The following CCDC171 variants were observed in gnomAD, a reference collection of about 807,000 sequenced individuals.
CCDC171 encodes the protein coiled-coil domain containing 171.
In CCDC171, 177 loss-of-function variants were observed where a neutral mutation model predicts 168.2. The observed-to-expected ratio is 1.05, with a 90% confidence interval of 0.93 to 1.19. CCDC171 has a LOEUF of 1.19. Ranked by LOEUF, CCDC171 falls within the 50% of genes most tolerant of loss-of-function variation. The probability of loss-of-function intolerance (pLI) is 0.00; values close to 1 mark genes in which losing one functional copy is unlikely to be tolerated. For synonymous variants in CCDC171, 687 were observed against 540.8 expected (o/e 1.27, Z -3.75); for missense variants, 1,991 against 1,539.0 (o/e 1.29, Z -4.91).
At chr9:15,705,481 C>A (rs1396708) in intron 11 of CCDC171, among the ~76,000 whole-genome samples, 54,974 of 152,064 alleles carry the variant, frequency 0.36, 12,397 homozygotes, top group East Asian at 0.67. Context: ...TTGAATATGC[C>A]AAGCATGCTT....
At chr9:16,104,059 CT>C in the CCDC171 span, among the ~76,000 whole-genome samples, 2 of 152,146 alleles carry the variant, frequency 1.3e-5, no homozygotes, top group Admixed American at 1.3e-4. Context: ...CTGGGTACCC[CT>C]TCTGTAGCTT....
chr9:15,620,231 A>G (rs1241430335), intron 6 of CCDC171, among the ~76,000 whole-genome samples: 2 of 152,180 alleles, frequency 1.3e-5, no homozygotes, highest in Non-Finnish European at 2.9e-5. Context: ...TAGCTGACAT[A>G]GATAGTGACT....
rs1451860614 is a variant in CCDC171 at position 15,819,626 on chromosome 9, A to G, written c.3268-27076A>G. On this transcript the variant is annotated intron_variant, in intron 21 of 25. Transcript: ENST00000380701. ...ACATAATGGTAAAGGGATAAATTCA[A>G]CAAGAAGAACTAACTGTCCTAAATA... is the stretch of plus-strand genomic sequence containing the variant. Among the ~76,000 whole-genome samples the G allele has an allele frequency of 1.7e-5, 2 of 118,116 alleles. 1 individual carries two copies. Among genetic ancestry groups the G allele is most frequent in the African/African-American group, 6.4e-5 (2 of 31,382 alleles). 77.5% of individuals were successfully genotyped at this position (118,116 alleles called of 152,430 possible).
intron 24 of CCDC171, among the ~76,000 whole-genome samples, chr9:15,897,270 C>G (rs543092598): frequency 1.1e-4 from 14 of 132,778 alleles, no homozygotes; most frequent in African/African-American, 3.9e-4. Flanking sequence ...TCGAGTATAC[C>G]AGAAGTTGTT....
intron 10 of CCDC171, among the ~76,000 whole-genome samples, chr9:15,680,022 A>G (rs1175824365): frequency 6.6e-6 from 1 of 152,048 alleles, no homozygotes; most frequent in Non-Finnish European, 1.5e-5. Flanking sequence ...CTCCACTCTC[A>G]TCCACCTTAA....
intron 7 of CCDC171, among the ~76,000 whole-genome samples, chr9:15,627,748 A>C (rs2045288614): frequency 1.3e-5 from 2 of 152,158 alleles, no homozygotes; most frequent in Non-Finnish European, 2.9e-5. Context: ...CTTTGTGGTC[A>C]GTTTTGGAGT....
chr9:15,887,051 G>A (rs1459899135), intron 24 of CCDC171, among the ~76,000 whole-genome samples: 1 of 152,048 alleles, frequency 6.6e-6, no homozygotes, highest in East Asian at 1.9e-4. Flanking sequence ...GGAGATCATG[G>A]TACAGTGCTA....
intron 3 of CCDC171, among the ~76,000 whole-genome samples, chr9:16,002,281 A>G (rs1832571636): frequency 6.6e-6 from 1 of 151,872 alleles, no homozygotes; most frequent in Non-Finnish European, 1.5e-5. Flanking sequence ...TGACAAGTCA[A>G]TGTGTGTTAT....
intron 14 of CCDC171, among the ~76,000 whole-genome samples, chr9:15,727,537 C>G (rs1259990765): frequency 6.6e-6 from 1 of 152,092 alleles, no homozygotes; most frequent in Non-Finnish European, 1.5e-5. Flanking sequence ...GAGTCCAATC[C>G]ATATGCTTCG....
intron 21 of CCDC171, among the ~76,000 whole-genome samples, chr9:15,832,538 T>G (rs545073478): frequency 3.3e-5 from 5 of 152,296 alleles, no homozygotes; most frequent in Middle Eastern, 3.4e-3. Context: ...AACACAGTGG[T>G]AAGGATTTGT....
intron 6 of CCDC171, among the ~76,000 whole-genome samples, chr9:15,595,996 T>G (rs2131549002): frequency 6.6e-6 from 1 of 152,252 alleles, no homozygotes; most frequent in East Asian, 1.9e-4. Flanking sequence ...GATGGGGTTG[T>G]TTTTTTCCTG....
chr9:16,053,728 G>A (rs1484099505), intron 1 of CCDC171, among the ~76,000 whole-genome samples: 2 of 152,252 alleles, frequency 1.3e-5, no homozygotes, highest in Admixed American at 1.3e-4. Flanking sequence ...AGCTCCTGAT[G>A]TGAGTCTGGC....
intron 21 of CCDC171, among the ~76,000 whole-genome samples, chr9:15,805,288 T>C (rs1027841042): frequency 6.6e-6 from 1 of 152,100 alleles, no homozygotes; most frequent in African/African-American, 2.4e-5. Flanking sequence ...TTGCTAGCTT[T>C]GGGGTTTGTT....
At chr9:15,855,117 C>T (rs919247475) in intron 23 of CCDC171, among the ~76,000 whole-genome samples, 8 of 151,646 alleles carry the variant, frequency 5.3e-5, no homozygotes, top group Non-Finnish European at 1.0e-4. Flanking sequence ...TTCAAGTCTT[C>T]TAAATCCTTG....
the CCDC171 span, among the ~76,000 whole-genome samples, chr9:16,107,511 A>T: frequency 6.6e-6 from 1 of 152,084 alleles, no homozygotes; most frequent in Non-Finnish European, 1.5e-5. Flanking sequence ...ATATTTTACC[A>T]TATTTGCTTT....
At chr9:15,826,654 G>T (rs1034004529) in intron 21 of CCDC171, among the ~76,000 whole-genome samples, 1 of 152,136 alleles carries the variant, frequency 6.6e-6, no homozygotes. Context: ...AGGGTCTCTT[G>T]CAACAAGCTA....
At chr9:16,070,208 G>T in the CCDC171 span, among the ~76,000 whole-genome samples, 1 of 152,178 alleles carries the variant, frequency 6.6e-6, no homozygotes, top group African/African-American at 2.4e-5. Context: ...TATAACATGA[G>T]CCCCTCGGGG....
chr9:15,960,445 T>G (rs1487168346), intron 25 of CCDC171, among the ~76,000 whole-genome samples: 1 of 152,194 alleles, frequency 6.6e-6, no homozygotes, highest in Non-Finnish European at 1.5e-5. Flanking sequence ...TTATGCATTA[T>G]GCAAGCATAG....
chr9:15,734,878 G>A (rs1399517803), intron 16 of CCDC171, among the ~76,000 whole-genome samples: 1 of 152,154 alleles, frequency 6.6e-6, no homozygotes, highest in Non-Finnish European at 1.5e-5. Context: ...TATAGAGGAT[G>A]TTTGGTGTCA....
Sources: allele counts gnomAD v4.1 joint callset (sites outside exome capture counted in the v4.1 genomes callset), GRCh38; gene constraint gnomAD v4.1.1; transcripts MANE v1.5; gene names NCBI Gene and HGNC (gene_info 2026-07-23, HGNC 2026-07-21).